Variants in ZMAT4 observed in about 807,000 individuals in gnomAD.
The protein encoded by ZMAT4 is zinc finger matrin-type protein 4.
In ZMAT4, 17 loss-of-function variants were observed where a neutral mutation model predicts 28.7. That is an observed-to-expected ratio of 0.59 (90% confidence interval 0.41 to 0.89). The LOEUF (loss-of-function observed/expected upper bound fraction) is 0.89. ZMAT4 is among the 40% of genes least tolerant of loss of function. The probability of loss-of-function intolerance (pLI) is 0.00; values close to 1 mark genes in which losing one functional copy is unlikely to be tolerated. For synonymous variants in ZMAT4, 117 were observed against 109.2 expected (o/e 1.07, Z -0.44); for missense variants, 240 against 283.8 (o/e 0.85, Z 1.11).
At position 40,697,308 on chromosome 8, in the gene ZMAT4, C is replaced by T. The variant is rs781431481; in HGVS notation, c.286G>A (p.Gly96Ser). The change falls in exon 4 of 7, where the codon GGC becomes AGC. Residue 96 changes from glycine (G) to serine (S), a missense_variant. Coordinates refer to ENST00000297737, the MANE Select transcript of ZMAT4 (RefSeq NM_024645.3). ...TTTAACCTCTTGGCGTGGATTTTGC[C>T]TTGATAATGGGAATCGGCCACCACC... Reference protein sequence around the residue: ...SAVVADSHYQGKIHAKRLKLL... With the variant: ...SAVVADSHYQSKIHAKRLKLL... The T allele has an allele frequency of 6.2e-7, 1 of 1,613,892 alleles. No homozygotes were observed. The highest frequency in any genetic ancestry group is 8.5e-7 in the Non-Finnish European group (1 of 1,179,854).
At chr8:40,633,275 T>G (rs1806661437) in intron 5 of ZMAT4, among the ~76,000 whole-genome samples, 1 of 152,230 alleles carries the variant, frequency 6.6e-6, no homozygotes, top group South Asian at 2.1e-4. Context: ...TCTACACTTT[T>G]GAGCTGACCA....
chr8:40,884,191 C>T (rs1818377478), intron 1 of ZMAT4, among the ~76,000 whole-genome samples: 1 of 147,696 alleles, frequency 6.8e-6, no homozygotes, highest in African/African-American at 2.5e-5. Flanking sequence ...CCCCGCCTCA[C>T]CCACCCCATC....
At chr8:40,728,011 G>C (rs2150523607) in intron 3 of ZMAT4, among the ~76,000 whole-genome samples, 1 of 152,206 alleles carries the variant, frequency 6.6e-6, no homozygotes, top group Admixed American at 6.5e-5. Flanking sequence ...TTAGTGCTAG[G>C]AAATAAAGAT....
At chr8:40,695,208 G>A (rs6474266) in intron 4 of ZMAT4, among the ~76,000 whole-genome samples, 148,368 of 152,290 alleles carry the variant, frequency 0.97, 72,389 homozygotes, top group East Asian at 1. Context: ...TTCTCCTATT[G>A]ACCAAACTGC....
chr8:40,618,808 G>C (rs1806102620), intron 5 of ZMAT4, among the ~76,000 whole-genome samples: 1 of 152,170 alleles, frequency 6.6e-6, no homozygotes, highest in African/African-American at 2.4e-5. Context: ...CCTTGCTCCT[G>C]TTCAAATGGC....
intron 5 of ZMAT4, among the ~76,000 whole-genome samples, chr8:40,619,412 C>T (rs1806122135): frequency 6.6e-6 from 1 of 152,148 alleles, no homozygotes; most frequent in East Asian, 1.9e-4. Context: ...ATGAGTAGGG[C>T]ACACTTGGTG....
At chr8:40,541,880 T>C (rs1277492050) in intron 6 of ZMAT4, among the ~76,000 whole-genome samples, 1 of 152,154 alleles carries the variant, frequency 6.6e-6, no homozygotes, top group Non-Finnish European at 1.5e-5. Flanking sequence ...TCTCCTGGGG[T>C]ACACATTCTG....
At chr8:40,679,406 C>T (rs1348092842) in intron 4 of ZMAT4, among the ~76,000 whole-genome samples, 1 of 152,072 alleles carries the variant, frequency 6.6e-6, no homozygotes. Context: ...GGGTAATTTA[C>T]AAAGGAAAGA....
chr8:40,674,538 T>A (rs1337915694), intron 5 of ZMAT4, 166 bp downstream of exon 5: 1 of 591,868 alleles, frequency 1.7e-6, no homozygotes, highest in East Asian at 2.8e-5. Context: ...AAAATTAAAC[T>A]AAAGCAAGCC....
chr8:40,847,807 C>G (rs538273777), intron 1 of ZMAT4, among the ~76,000 whole-genome samples: 1 of 152,196 alleles, frequency 6.6e-6, no homozygotes, highest in Non-Finnish European at 1.5e-5. Flanking sequence ...TGAAGTCCGT[C>G]CACCAGTGCA....
At chr8:40,856,303 T>C (rs973757034) in intron 1 of ZMAT4, among the ~76,000 whole-genome samples, 1 of 151,790 alleles carries the variant, frequency 6.6e-6, no homozygotes, top group African/African-American at 2.4e-5. Flanking sequence ...CCTGAGAAGG[T>C]TTCATGGAGG....
intron 6 of ZMAT4, among the ~76,000 whole-genome samples, chr8:40,536,360 GT>G (rs1451007545): frequency 6.6e-6 from 1 of 152,160 alleles, no homozygotes; most frequent in Non-Finnish European, 1.5e-5. Context: ...CATTGCACTA[GT>G]TTTCTATCTG....
At chr8:40,799,142 G>GCTGA (rs1814721315) in intron 2 of ZMAT4, among the ~76,000 whole-genome samples, 1 of 141,070 alleles carries the variant, frequency 7.1e-6, no homozygotes, top group Non-Finnish European at 1.5e-5. Flanking sequence ...AGGATAGATG[G>GCTGA]CTGGCTGGCT....
chr8:40,836,260 T>C (rs1816486177), intron 1 of ZMAT4, among the ~76,000 whole-genome samples: 1 of 152,210 alleles, frequency 6.6e-6, no homozygotes, highest in Non-Finnish European at 1.5e-5. Context: ...GGGGAGATTG[T>C]TGAAACTTAA....
At chr8:40,742,939 C>T (rs182868715) in intron 3 of ZMAT4, among the ~76,000 whole-genome samples, 109 of 152,196 alleles carry the variant, frequency 7.2e-4, no homozygotes, top group African/African-American at 2.4e-3. Context: ...TGTCCCAGCA[C>T]GGTGGCTAAT....
At chr8:40,850,179 C>A (rs1355006471) in intron 1 of ZMAT4, among the ~76,000 whole-genome samples, 2 of 152,116 alleles carry the variant, frequency 1.3e-5, no homozygotes, top group African/African-American at 2.4e-5. Flanking sequence ...TTCATGCGGT[C>A]AATCAGAACC....
At chr8:40,619,981 C>A (rs149621365) in intron 5 of ZMAT4, among the ~76,000 whole-genome samples, 1 of 152,256 alleles carries the variant, frequency 6.6e-6, no homozygotes, top group African/African-American at 2.4e-5. Context: ...TCACTTATAA[C>A]AAGGAAAATG....
chr8:40,771,787 C>T (rs1813399515), intron 2 of ZMAT4, among the ~76,000 whole-genome samples: 1 of 152,188 alleles, frequency 6.6e-6, no homozygotes, highest in Non-Finnish European at 1.5e-5. Context: ...AAGCTATACG[C>T]ACAACTACAC....
intron 1 of ZMAT4, among the ~76,000 whole-genome samples, chr8:40,892,486 A>G (rs1818730838): frequency 6.6e-6 from 1 of 152,240 alleles, no homozygotes; most frequent in East Asian, 1.9e-4. Context: ...TGTTAGTAAC[A>G]GGCACTCAAT....
Sources: allele counts gnomAD v4.1 joint callset (sites outside exome capture counted in the v4.1 genomes callset), GRCh38; gene constraint gnomAD v4.1.1; transcripts MANE v1.5; gene names NCBI Gene and HGNC (gene_info 2026-07-23, HGNC 2026-07-21).